DMD: variants seen among roughly 807,000 people sequenced by gnomAD.
The protein encoded by DMD is dystrophin.
In DMD, 63 loss-of-function variants were observed where a neutral mutation model predicts 330.1. The observed-to-expected ratio is 0.19, with a 90% confidence interval of 0.16 to 0.24. DMD has a LOEUF of 0.24. Ranked by LOEUF, DMD falls within the 10% of genes least tolerant of loss-of-function variation. The pLI is 1.00. For missense variants in DMD, 3,344 were observed against 2,684.1 expected (o/e 1.25, Z -5.43); for synonymous variants, 1,223 against 959.8 (o/e 1.27, Z -5.07).
intron 1 of DMD, among the ~76,000 whole-genome samples, chrX:33,048,107 CAT>C (rs1219631805): frequency 8.9e-6 from 1 of 111,987 alleles, no homozygotes; most frequent in Non-Finnish European, 1.9e-5. Flanking sequence ...TGTTAAGAAA[CAT>C]AGAATTCTTT....
At chrX:31,789,502 T>C (rs1258445276) in intron 50 of DMD, among the ~76,000 whole-genome samples, 2 of 111,570 alleles carry the variant, frequency 1.8e-5, no homozygotes, top group Non-Finnish European at 3.8e-5. Flanking sequence ...ATTTTGCATT[T>C]TAAAATGTTA....
At position 31,478,135 on chromosome X, in the gene DMD, A is replaced by T. The variant is rs751718742; in HGVS notation, c.8908T>A (p.Ser2970Thr). The change falls in exon 59 of 79, where the codon TCT becomes ACT. Residue 2970 changes from serine to threonine, a missense_variant. Physicochemically the swap from Ser to Thr is moderately conservative, Grantham distance 58 (BLOSUM62 1). Transcript: ENST00000357033. ...WQPVGDLLID[S>T]LQDHLEKVKA... ...ACTTTCTCGAGGTGATCTTGGAGAG[A>T]GTCAATGAGGAGATCGCCCACGGGC... is the stretch of plus-strand genomic sequence containing the variant. 4 of 1,210,871 alleles carry T rather than the reference A, an allele frequency of 3.3e-6. No homozygotes were observed. In the South Asian group the frequency reaches 7.1e-5, roughly 21 times the overall value.
At chrX:32,302,789 A>G (rs2097528013) in intron 42 of DMD, among the ~76,000 whole-genome samples, 1 of 111,296 alleles carries the variant, frequency 9.0e-6, no homozygotes, top group African/African-American at 3.3e-5. Flanking sequence ...ACAGTCGTAC[A>G]TGATTTCACT....
intron 54 of DMD, among the ~76,000 whole-genome samples, chrX:31,641,381 T>G (rs1372559828): frequency 9.2e-6 from 1 of 108,267 alleles, no homozygotes; most frequent in Non-Finnish European, 1.9e-5. Flanking sequence ...TGGGTGCCTG[T>G]AATCCCAGCC....
At chrX:32,291,959 A>T (rs72626033) in intron 42 of DMD, among the ~76,000 whole-genome samples, 14,727 of 111,063 alleles carry the variant, frequency 0.13, 977 homozygotes, top group Admixed American at 0.26. Flanking sequence ...CTCTGGAGAG[A>T]TTTAAAAACT....
At position 31,881,036 on chromosome X, in the gene DMD, C is replaced by T. The variant is rs138833202; in HGVS notation, c.6913-5663G>A. 1.0e-3 allele frequency among the ~76,000 whole-genome samples: 111 copies of T among 111,116 alleles called. No homozygotes were observed. The Middle Eastern group carries it at 0.023, about 23-fold the overall frequency. On this transcript the variant is annotated intron_variant, in intron 47 of 78. Coordinates refer to ENST00000357033, the MANE Select transcript of DMD (RefSeq NM_004006.3). ...TATTGATGATCCTGACCCATGTAGG[C>T]CTAGGCTCATGTGCGTGTTTGTGTT...
chrX:32,350,672 A>G (rs186905741), intron 37 of DMD, among the ~76,000 whole-genome samples: 1 of 111,064 alleles, frequency 9.0e-6, no homozygotes, highest in Admixed American at 9.6e-5. Flanking sequence ...GTGCCCAATG[A>G]TCAGCTTACT....
chrX:32,649,960 G>A (rs1292687588), intron 9 of DMD, among the ~76,000 whole-genome samples: 1 of 111,208 alleles, frequency 9.0e-6, no homozygotes. Flanking sequence ...CCCAAGAAAT[G>A]CTCTGCAATG....
At chrX:31,867,419 A>C (rs986806066) in intron 48 of DMD, among the ~76,000 whole-genome samples, 12 of 111,089 alleles carry the variant, frequency 1.1e-4, no homozygotes, top group Non-Finnish European at 2.1e-4. Flanking sequence ...GTAGCCATGC[A>C]TTCTTTCATA....
At chrX:32,490,396 C>A (rs935560503) in intron 20 of DMD, among the ~76,000 whole-genome samples, 2 of 111,138 alleles carry the variant, frequency 1.8e-5, no homozygotes, top group African/African-American at 6.5e-5. Flanking sequence ...CCTTTCATCT[C>A]TTTCTCAGGC....
intron 4 of DMD, 82 bp from the exon 5 acceptor site, chrX:32,823,469 G>T: frequency 2.9e-6 from 2 of 686,213 alleles, no homozygotes; most frequent in South Asian, 2.3e-5. Context: ...AAACGTGAAG[G>T]TAATTGCATT....
intron 55 of DMD, among the ~76,000 whole-genome samples, chrX:31,514,283 A>T (rs775994752): frequency 7.1e-5 from 8 of 112,194 alleles, no homozygotes; most frequent in African/African-American, 2.3e-4. Flanking sequence ...CTGTACAATT[A>T]TAGAGCAAAT....
chrX:31,991,422 C>A (rs757402757), intron 44 of DMD, among the ~76,000 whole-genome samples: 2 of 110,745 alleles, frequency 1.8e-5, no homozygotes, highest in Admixed American at 9.7e-5. Flanking sequence ...GTGTAGCCTG[C>A]AAAGGAGGAG....
At chrX:32,658,619 C>A (rs1177104625) in intron 9 of DMD, among the ~76,000 whole-genome samples, 4 of 111,255 alleles carry the variant, frequency 3.6e-5, no homozygotes, top group Middle Eastern at 4.6e-3. Flanking sequence ...GAACTTCTCA[C>A]TGTTGATTAT....
At chrX:31,265,816 G>T in intron 62 of DMD, among the ~76,000 whole-genome samples, 1 of 98,050 alleles carries the variant, frequency 1.0e-5, no homozygotes, top group Non-Finnish European at 2.0e-5. Flanking sequence ...AAGGAGAGAT[G>T]ACAGGGATAA....
chrX:32,602,187 A>G (rs1172266743), intron 12 of DMD, among the ~76,000 whole-genome samples: 1 of 111,997 alleles, frequency 8.9e-6, no homozygotes, highest in African/African-American at 3.2e-5. Flanking sequence ...AAACTACCTC[A>G]TCTGATGGTT....
chrX:31,168,740 C>G (rs1457315225), intron 74 of DMD, among the ~76,000 whole-genome samples: 1 of 111,652 alleles, frequency 9.0e-6, no homozygotes, highest in African/African-American at 3.3e-5. Context: ...CTTTTTAAAC[C>G]AAGGGACCTG....
At chrX:33,195,836 A>ATACAGTG (rs2050903986) in intron 1 of DMD, among the ~76,000 whole-genome samples, 1 of 109,843 alleles carries the variant, frequency 9.1e-6, no homozygotes, top group Non-Finnish European at 1.9e-5. Context: ...TCAAATATGT[A>ATACAGTG]TACAGTGATG....
chrX:32,025,432 C>T (rs1199485167), intron 44 of DMD, among the ~76,000 whole-genome samples: 1 of 111,451 alleles, frequency 9.0e-6, no homozygotes, highest in Non-Finnish European at 1.9e-5. Context: ...TACCATTGCT[C>T]AGTAGTCATG....
Sources: allele counts gnomAD v4.1 joint callset (sites outside exome capture counted in the v4.1 genomes callset), GRCh38; gene constraint gnomAD v4.1.1; transcripts MANE v1.5; gene names NCBI Gene and HGNC (gene_info 2026-07-23, HGNC 2026-07-21).